Variants in DLG2 observed in about 807,000 individuals in gnomAD.
DLG2 encodes discs large MAGUK scaffold protein 2, also known as disks large homolog 2.
A neutral mutation model predicts 132.5 loss-of-function variants in DLG2; 45 were observed. The observed-to-expected ratio is 0.34, with a 90% confidence interval of 0.27 to 0.44. The LOEUF is 0.44. Among genes scored for constraint, DLG2 ranks in the 20% least tolerant of loss-of-function variants. The pLI is 1.00. For synonymous variants in DLG2, 424 were observed against 419.6 expected, an observed-to-expected ratio of 1.01 and a Z score of -0.13; for missense variants, 1,045 against 1,196.9, an observed-to-expected ratio of 0.87 and a Z score of 1.87.
chr11:85,435,329 A>G (rs556338149), intron 3 of DLG2, among the ~76,000 whole-genome samples: 1 of 152,254 alleles, frequency 6.6e-6, no homozygotes, highest in Admixed American at 6.5e-5. Context: ...GGCAAGAGAA[A>G]TAAATAAACG....
At chr11:83,613,214 G>A (rs755243062) in intron 19 of DLG2, among the ~76,000 whole-genome samples, 4 of 152,116 alleles carry the variant, frequency 2.6e-5, no homozygotes, top group Non-Finnish European at 5.9e-5. Flanking sequence ...CTATGGAGTC[G>A]GGAAGACTGG....
chr11:84,052,585 A>C (rs1566235421), intron 11 of DLG2, among the ~76,000 whole-genome samples: 1 of 151,948 alleles, frequency 6.6e-6, no homozygotes, highest in African/African-American at 2.4e-5. Context: ...GCCAACAAAC[A>C]TATGAAAAAA....
At chr11:85,541,413 G>C (rs1161358371) in intron 3 of DLG2, among the ~76,000 whole-genome samples, 1 of 151,478 alleles carries the variant, frequency 6.6e-6, no homozygotes, top group Non-Finnish European at 1.5e-5. Context: ...TTACAGGTGA[G>C]GAAACTAGGC....
At chr11:85,042,205 A>C (rs576777790) in intron 6 of DLG2, among the ~76,000 whole-genome samples, 1 of 152,144 alleles carries the variant, frequency 6.6e-6, no homozygotes, top group East Asian at 1.9e-4. Context: ...AAAGAGATCT[A>C]TATGTCAGCT....
At chr11:85,132,828 G>T (rs1484553480) in intron 5 of DLG2, 1 of 456,720 alleles carries the variant, frequency 2.2e-6, no homozygotes. Context: ...TCAGTACATG[G>T]AAATCACACC....
At chr11:84,826,534 T>G (rs2078347470) in intron 6 of DLG2, among the ~76,000 whole-genome samples, 2 of 151,928 alleles carry the variant, frequency 1.3e-5, no homozygotes, top group Admixed American at 6.6e-5. Context: ...TGTTCTTTAA[T>G]TCCTCAGTAT....
intron 19 of DLG2, among the ~76,000 whole-genome samples, chr11:83,568,816 A>C (rs576461099): frequency 6.6e-6 from 1 of 152,316 alleles, no homozygotes; most frequent in East Asian, 1.9e-4. Context: ...AGATCATGGA[A>C]GGAAAAGGCT....
At chr11:84,734,854 T>C (rs374810465) in intron 6 of DLG2, among the ~76,000 whole-genome samples, 3 of 152,220 alleles carry the variant, frequency 2.0e-5, no homozygotes, top group South Asian at 4.1e-4. Flanking sequence ...TGAAGGGCTG[T>C]TGAATTTTGT....
chr11:84,612,293 TG>T (rs2099596832), intron 6 of DLG2, among the ~76,000 whole-genome samples: 1 of 152,176 alleles, frequency 6.6e-6, no homozygotes, highest in Admixed American at 6.5e-5. Flanking sequence ...TTTCAATGTA[TG>T]GAAGTGTCAC....
intron 7 of DLG2, among the ~76,000 whole-genome samples, chr11:84,462,706 G>C (rs2099083694): frequency 6.6e-6 from 1 of 151,012 alleles, no homozygotes; most frequent in Non-Finnish European, 1.5e-5. Flanking sequence ...ATGGTGAACA[G>C]GAAATGACTA....
intron 6 of DLG2, among the ~76,000 whole-genome samples, chr11:84,665,061 T>C (rs61648192): frequency 5.9e-5 from 9 of 151,998 alleles, no homozygotes; most frequent in African/African-American, 1.9e-4. Flanking sequence ...GATTCTTCTA[T>C]AGAATGGGAA....
intron 8 of DLG2, among the ~76,000 whole-genome samples, chr11:84,190,396 A>G (rs2096383148): frequency 6.6e-6 from 1 of 152,212 alleles, no homozygotes; most frequent in Non-Finnish European, 1.5e-5. Flanking sequence ...AAGGTTACAA[A>G]GTTGGATTTG....
intron 17 of DLG2, among the ~76,000 whole-genome samples, chr11:83,813,184 T>C (rs530341180): frequency 6.6e-6 from 1 of 152,264 alleles, no homozygotes; most frequent in East Asian, 1.9e-4. Flanking sequence ...AGCCATACTT[T>C]TTCATCTTCT....
chr11:85,206,467 T>G (rs1248463197), intron 4 of DLG2, among the ~76,000 whole-genome samples: 1 of 152,144 alleles, frequency 6.6e-6, no homozygotes, highest in Non-Finnish European at 1.5e-5. Context: ...AAACTCCTTT[T>G]TGGCAAAAAA....
chr11:83,726,564 G>A (rs946583716), intron 18 of DLG2, among the ~76,000 whole-genome samples: 14 of 152,124 alleles, frequency 9.2e-5, no homozygotes, highest in African/African-American at 3.4e-4. Flanking sequence ...ACTGAGCCAG[G>A]CAGGAAGGCA....
intron 11 of DLG2, among the ~76,000 whole-genome samples, chr11:84,010,147 AC>A (rs1190535206): frequency 6.6e-6 from 1 of 152,014 alleles, no homozygotes; most frequent in Non-Finnish European, 1.5e-5. Flanking sequence ...TATTTCTCAC[AC>A]CGGCATCAGC....
intron 3 of DLG2, among the ~76,000 whole-genome samples, chr11:85,451,592 T>G (rs2092244927): frequency 2.0e-5 from 3 of 152,220 alleles, no homozygotes; most frequent in African/African-American, 4.8e-5. Flanking sequence ...CAGACTCAAA[T>G]TTTGACATTT....
At chr11:84,755,658 C>T (rs2066772490) in intron 6 of DLG2, among the ~76,000 whole-genome samples, 1 of 152,176 alleles carries the variant, frequency 6.6e-6, no homozygotes, top group Non-Finnish European at 1.5e-5. Context: ...CTCCTGACCT[C>T]GTGATCCACC....
chr11:84,104,883 C>G (rs543021218), intron 9 of DLG2, among the ~76,000 whole-genome samples: 1 of 152,042 alleles, frequency 6.6e-6, no homozygotes, highest in African/African-American at 2.4e-5. Context: ...ATGTTTCTTA[C>G]AATTTCCTAT....
Sources: allele counts gnomAD v4.1 joint callset (sites outside exome capture counted in the v4.1 genomes callset), GRCh38; gene constraint gnomAD v4.1.1; transcripts MANE v1.5; gene names NCBI Gene and HGNC (gene_info 2026-07-23, HGNC 2026-07-21).